SEC23IP: variants seen among roughly 807,000 people sequenced by gnomAD.
SEC23IP encodes SEC23-interacting protein.
In SEC23IP, 70 loss-of-function variants were observed where a neutral mutation model predicts 113.4. The observed-to-expected ratio is 0.62, with a 90% CI of 0.51 to 0.75. The LOEUF (loss-of-function observed/expected upper bound fraction) is 0.75, where lower values mean the gene tolerates loss of function less well. Ranked by LOEUF, SEC23IP falls within the 30% of genes least tolerant of loss-of-function variation. SEC23IP has a pLI of 0.00. For synonymous variants in SEC23IP, 398 were observed against 421.0 expected (o/e 0.95, Z 0.67); for missense variants, 1,160 against 1,204.9 (o/e 0.96, Z 0.55).
intron 8 of SEC23IP, among the ~76,000 whole-genome samples, 192 bp downstream of exon 8, chr10:119,916,081 T>C (rs1855043095): frequency 6.6e-6 from 1 of 152,220 alleles, no homozygotes; most frequent in Admixed American, 6.5e-5. Context: ...ATTCCTTTTG[T>C]AAATATTTAA....
At chr10:119,930,037 A>T (rs1855546259) in intron 14 of SEC23IP, among the ~76,000 whole-genome samples, 1 of 152,148 alleles carries the variant, frequency 6.6e-6, no homozygotes, top group South Asian at 2.1e-4. Context: ...ATTAATACCT[A>T]TCTTGATTTT....
At chr10:119,933,250 T>G in intron 17 of SEC23IP, 83 bp downstream of exon 17, 1 of 1,072,502 alleles carries the variant, frequency 9.3e-7, no homozygotes, top group Non-Finnish European at 1.4e-6. Context: ...TGAGATTCTT[T>G]TACTGATACA....
chr10:119,934,615 T>G (rs897799362), intron 18 of SEC23IP, among the ~76,000 whole-genome samples: 4 of 152,210 alleles, frequency 2.6e-5, no homozygotes, highest in African/African-American at 9.7e-5. Context: ...GTTAGAAATT[T>G]TAAAGGCTTT....
chr10:119,918,598 TTTTGTTTGTTTG>T (rs112954131), intron 10 of SEC23IP, 87 bp downstream of exon 10: 3 of 734,510 alleles, frequency 4.1e-6, no homozygotes, highest in East Asian at 2.5e-5. Context: ...TTCTTGAAAC[TTTTGTTTGTTTG>T]TTTGTTTGTT....
intron 16 of SEC23IP, 61 bp from the exon 17 acceptor site, chr10:119,932,944 C>A: frequency 6.8e-7 from 1 of 1,476,644 alleles, no homozygotes; most frequent in Non-Finnish European, 9.4e-7. Flanking sequence ...AGAAAGTCAG[C>A]TAAAGTCAAA....
At chr10:119,893,514 CTTTTTTTTTTT>C in intron 1 of SEC23IP, among the ~76,000 whole-genome samples, 1 of 85,372 alleles carries the variant, frequency 1.2e-5, no homozygotes, top group Middle Eastern at 8.2e-3. Context: ...CATTCCTTAT[CTTTTTTTTTTT>C]TTTTTTTTTT....
At chr10:119,920,710 A>G (rs1210642015) in intron 11 of SEC23IP, among the ~76,000 whole-genome samples, 179 bp from the exon 12 acceptor site, 3 of 152,246 alleles carry the variant, frequency 2.0e-5, no homozygotes, top group African/African-American at 7.2e-5. Flanking sequence ...TAGGTGTGGA[A>G]GCCTAAGATT....
At chr10:119,922,331 A>G (rs1380970981) in intron 12 of SEC23IP, among the ~76,000 whole-genome samples, 1 of 152,188 alleles carries the variant, frequency 6.6e-6, no homozygotes, top group East Asian at 1.9e-4. Flanking sequence ...AGAGGGTTCC[A>G]AAGGCCCAGG....
chr10:119,903,558 A>T (rs1854565777), intron 3 of SEC23IP, among the ~76,000 whole-genome samples: 1 of 152,182 alleles, frequency 6.6e-6, no homozygotes, highest in Non-Finnish European at 1.5e-5. Context: ...AAAATCCATC[A>T]GTTCTTTGAA....
In SEC23IP at chr10:119,933,111, A is replaced by G. The variant is rs766471908; in HGVS notation, c.2865A>G (p.Lys955=). 1 of 1,613,976 alleles carries G rather than the reference A, an allele frequency of 6.2e-7. No homozygotes were observed. The highest frequency in any genetic ancestry group is 8.5e-7 in the Non-Finnish European group (1 of 1,179,864). The change falls in exon 17 of 19, where the codon AAA becomes AAG. Residue 955 remains lysine, a synonymous_variant. Transcript: ENST00000369075. ...GAATTGACTACGTTCTCCAAGAAAA[A>G]CCAATAGAGAGTTTTAATGAATACC... ...GRRIDYVLQE[K]PIESFNEYLF... is the part of the protein sequence containing the mutation.
Position 119,904,291 on chromosome 10 carries a change from AT to A in SEC23IP, c.1101+17del, listed in dbSNP as rs748065849. On this transcript the variant is annotated intron_variant, in intron 4 of 18. Coordinates refer to ENST00000369075, the MANE Select transcript of SEC23IP (RefSeq NM_007190.4). ...GAAAAACTAGAGGTACGGGTGCTTT[AT>A]TTCTTTATGAGTTTCTTTAAAAAAT... 17 of 1,611,324 alleles carry A rather than the reference AT, an allele frequency of 1.1e-5. No homozygotes were observed. Among genetic ancestry groups the A allele is most frequent in the Admixed American group, 6.7e-5 (4 of 59,948 alleles).
intron 13 of SEC23IP, among the ~76,000 whole-genome samples, chr10:119,926,490 C>T (rs1478110095): frequency 6.6e-6 from 1 of 152,196 alleles, no homozygotes; most frequent in African/African-American, 2.4e-5. Flanking sequence ...GCATCAGTCT[C>T]TTATAGCCAC....
chr10:119,919,670 T>G, intron 11 of SEC23IP, 74 bp downstream of exon 11: 2 of 1,253,050 alleles, frequency 1.6e-6, no homozygotes, highest in Non-Finnish European at 2.2e-6. Flanking sequence ...GAATAAACAT[T>G]TTCGTATCAA....
In SEC23IP at chr10:119,912,040, G is replaced by A. The variant is rs1854880188; in HGVS notation, c.1192-4G>A. 6.2e-7 allele frequency: 1 copy of A among 1,613,698 alleles called. No individual in the cohort carries two copies. Among genetic ancestry groups the A allele is most frequent in the Non-Finnish European group, 8.5e-7 (1 of 1,179,856 alleles). On this transcript the variant is annotated splice_polypyrimidine_tract_variant and splice_region_variant and intron_variant, in intron 5 of 18. Coordinates refer to ENST00000369075, the MANE Select transcript of SEC23IP (RefSeq NM_007190.4). ...CTTTGTCATAATTCTGTTGCATCTT[G>A]AAGGTTATTGTTCAGTTCCAGCCCT...
chr10:119,925,973 T>C, intron 12 of SEC23IP, 63 bp from the exon 13 acceptor site: 1 of 1,345,070 alleles, frequency 7.4e-7, no homozygotes. Flanking sequence ...GCATGTTTTG[T>C]AATGATAGCT....
At chr10:119,939,580 C>T (rs897688813) in intron 18 of SEC23IP, among the ~76,000 whole-genome samples, 19 of 151,990 alleles carry the variant, frequency 1.3e-4, no homozygotes, top group Admixed American at 3.9e-4. Flanking sequence ...GAGGCTGAGG[C>T]AGGAGAATCT....
chr10:119,931,245 A>T (rs1487470921), intron 15 of SEC23IP, among the ~76,000 whole-genome samples: 1 of 140,424 alleles, frequency 7.1e-6, no homozygotes, highest in African/African-American at 2.7e-5. Context: ...GTGCTACTGC[A>T]CTCCAGTCTC....
chr10:119,908,930 T>A, intron 4 of SEC23IP, 111 bp from the exon 5 acceptor site: 1 of 675,024 alleles, frequency 1.5e-6, no homozygotes, highest in Admixed American at 3.0e-5. Context: ...AAATGAGAAC[T>A]GCTATTACTG....
At chr10:119,923,543 T>C (rs1410602255) in intron 12 of SEC23IP, among the ~76,000 whole-genome samples, 1 of 152,046 alleles carries the variant, frequency 6.6e-6, no homozygotes, top group Non-Finnish European at 1.5e-5. Context: ...AGTATGTATA[T>C]GTTGGTTCCG....
Sources: allele counts gnomAD v4.1 joint callset (sites outside exome capture counted in the v4.1 genomes callset), GRCh38; gene constraint gnomAD v4.1.1; transcripts MANE v1.5; gene names NCBI Gene and HGNC (gene_info 2026-07-23, HGNC 2026-07-21).